Variants in NCKAP5 observed in about 807,000 individuals in gnomAD.
NCKAP5 encodes the protein NCK associated protein 5, also known as nck-associated protein 5.
Under a neutral mutation model 167.0 loss-of-function variants are expected in NCKAP5, and 92 were observed. The observed-to-expected ratio is 0.55, with a 90% CI of 0.47 to 0.66. The LOEUF (loss-of-function observed/expected upper bound fraction) is 0.66. Among genes scored for constraint, NCKAP5 ranks in the 30% least tolerant of loss-of-function variants. The probability of loss-of-function intolerance (pLI) is 0.00; values close to 1 mark genes in which losing one functional copy is unlikely to be tolerated. For missense variants in NCKAP5, 2,378 were observed against 2,315.0 expected (o/e 1.03, Z -0.56); for synonymous variants, 891 against 877.4 (o/e 1.02, Z -0.27).
chr2:133,302,899 T>C, intron 4 of NCKAP5, 138 bp downstream of exon 4: 1 of 499,206 alleles, frequency 2.0e-6, no homozygotes, highest in South Asian at 6.3e-5. Flanking sequence ...TCCAAGATGA[T>C]AGTTTCTTAG....
chr2:133,185,384 T>C (rs1027684985), intron 5 of NCKAP5, among the ~76,000 whole-genome samples: 12 of 152,150 alleles, frequency 7.9e-5, no homozygotes, highest in Non-Finnish European at 1.8e-4. Context: ...TAGTTTGAAG[T>C]TGGGTAATGT....
At chr2:133,468,091 A>G (rs1185397201) in intron 3 of NCKAP5, among the ~76,000 whole-genome samples, 1 of 124,118 alleles carries the variant, frequency 8.1e-6, no homozygotes, top group Non-Finnish European at 1.6e-5. Flanking sequence ...TAGTTCTTTT[A>G]ATTGTGATGT....
At chr2:133,075,695 A>T (rs2149572813) in intron 6 of NCKAP5, among the ~76,000 whole-genome samples, 1 of 152,360 alleles carries the variant, frequency 6.6e-6, no homozygotes, top group African/African-American at 2.4e-5. Context: ...AGAGCTATCA[A>T]TAAAAAGTCT....
chr2:133,582,970 C>A, the NCKAP5 span, among the ~76,000 whole-genome samples: 2 of 152,174 alleles, frequency 1.3e-5, no homozygotes, highest in Non-Finnish European at 2.9e-5. Context: ...CCCCCTGTTT[C>A]TGAGGTCATG....
At chr2:133,088,298 G>C (rs1313795980) in intron 6 of NCKAP5, among the ~76,000 whole-genome samples, 1 of 152,134 alleles carries the variant, frequency 6.6e-6, no homozygotes, top group Non-Finnish European at 1.5e-5. Flanking sequence ...GAAGCCCCTT[G>C]AATATTTCTA....
intron 4 of NCKAP5, among the ~76,000 whole-genome samples, chr2:133,219,175 T>C (rs2086554581): frequency 6.6e-6 from 1 of 152,182 alleles, no homozygotes; most frequent in Admixed American, 6.5e-5. Context: ...AACAGCCACG[T>C]GGAAACAGGT....
At chr2:132,813,596 A>G (rs1312942662) in intron 11 of NCKAP5, among the ~76,000 whole-genome samples, 1 of 152,182 alleles carries the variant, frequency 6.6e-6, no homozygotes, top group East Asian at 1.9e-4. Context: ...TCCTGAAGAC[A>G]TGCAGTGACT....
intron 12 of NCKAP5, among the ~76,000 whole-genome samples, chr2:132,794,259 TATATAG>T (rs1271239131): frequency 2.9e-3 from 93 of 31,670 alleles, no homozygotes; most frequent in Middle Eastern, 0.018. Context: ...TATATATATA[TATATAG>T]AGAGAGAGAG....
At chr2:133,329,870 T>C (rs568660184) in intron 3 of NCKAP5, among the ~76,000 whole-genome samples, 5 of 152,130 alleles carry the variant, frequency 3.3e-5, no homozygotes, top group African/African-American at 1.2e-4. Flanking sequence ...TCTTTTAAAA[T>C]AGGGATTCTG....
chr2:132,796,373 G>A (rs1220559010), intron 12 of NCKAP5, among the ~76,000 whole-genome samples: 1 of 152,124 alleles, frequency 6.6e-6, no homozygotes, highest in Non-Finnish European at 1.5e-5. Context: ...ACTCTGAGAT[G>A]TAATCAATAT....
At chr2:133,405,498 C>A (rs1354288603) in intron 3 of NCKAP5, among the ~76,000 whole-genome samples, 1 of 152,158 alleles carries the variant, frequency 6.6e-6, no homozygotes, top group African/African-American at 2.4e-5. Flanking sequence ...GTATAGTAAG[C>A]AAGTGAAACC....
At chr2:133,598,938 C>A in the NCKAP5 span, among the ~76,000 whole-genome samples, 1 of 152,230 alleles carries the variant, frequency 6.6e-6, no homozygotes, top group Non-Finnish European at 1.5e-5. Context: ...GCAGTCCTTG[C>A]TATTCCCTGG....
the NCKAP5 span, among the ~76,000 whole-genome samples, chr2:133,574,704 C>T: frequency 6.8e-6 from 1 of 148,078 alleles, no homozygotes; most frequent in Admixed American, 6.9e-5. Flanking sequence ...GCTCCAGAAA[C>T]AGCTTATTTT....
chr2:132,717,916 T>C (rs927364777), intron 19 of NCKAP5, among the ~76,000 whole-genome samples: 8 of 152,190 alleles, frequency 5.3e-5, no homozygotes, highest in Non-Finnish European at 1.0e-4. Context: ...TGCTGGAAAC[T>C]GAGCCCTTTG....
chr2:133,406,347 CAGA>C (rs1688426881), intron 3 of NCKAP5, among the ~76,000 whole-genome samples: 1 of 152,130 alleles, frequency 6.6e-6, no homozygotes, highest in Admixed American at 6.5e-5. Context: ...AAAAGTTATG[CAGA>C]AGTAGGCTGC....
intron 3 of NCKAP5, among the ~76,000 whole-genome samples, chr2:133,506,388 A>G (rs1683006706): frequency 6.6e-6 from 1 of 152,060 alleles, no homozygotes; most frequent in Non-Finnish European, 1.5e-5. Flanking sequence ...TGCTGGATAC[A>G]CTCGTTTGGC....
intron 6 of NCKAP5, among the ~76,000 whole-genome samples, chr2:133,022,988 T>C (rs2078578098): frequency 6.6e-6 from 1 of 151,876 alleles, no homozygotes; most frequent in African/African-American, 2.4e-5. Flanking sequence ...CATTAGGGAG[T>C]GAATCCCACC....
At chr2:133,100,585 T>C (rs905404823) in intron 6 of NCKAP5, among the ~76,000 whole-genome samples, 1 of 152,128 alleles carries the variant, frequency 6.6e-6, no homozygotes, top group African/African-American at 2.4e-5. Flanking sequence ...ATCAAAAAAG[T>C]AAAAATTGGG....
the NCKAP5 span, among the ~76,000 whole-genome samples, chr2:133,600,562 C>A: frequency 6.6e-6 from 1 of 152,294 alleles, no homozygotes; most frequent in Non-Finnish European, 1.5e-5. Flanking sequence ...CAGGAGTTGT[C>A]TATAAATTAG....
Sources: gnomAD v4.1 joint callset for allele counts (sites outside exome capture counted in the v4.1 genomes callset) on GRCh38, gnomAD v4.1.1 for gene constraint, MANE v1.5 for transcripts, NCBI Gene and HGNC (gene_info 2026-07-23, HGNC 2026-07-21) for gene names.